The following IL17D variants were observed in gnomAD, a reference collection of about 807,000 sequenced individuals.
The protein encoded by IL17D is interleukin 17D, also known as interleukin-17D.
In IL17D, 10 loss-of-function variants were observed where a neutral mutation model predicts 5.7. The ratio of observed to expected loss-of-function variants is 1.75; its 90% confidence interval spans 1.08 to 2.97. The LOEUF is 2.97. Ranked by LOEUF, IL17D falls within the 30% of genes most tolerant of loss-of-function variation. The pLI is 0.00. For missense variants in IL17D, 354 were observed against 292.7 expected, an observed-to-expected ratio of 1.21 and a Z score of -1.53; for synonymous variants, 172 against 141.7, an observed-to-expected ratio of 1.21 and a Z score of -1.52.
rs576997375 is a variant in IL17D, at chr13:20,720,206, C to CTAT, written c.291-1428_291-1426dup. Among the ~76,000 whole-genome samples the CTAT allele has an allele frequency of 1.4e-4, 22 of 152,288 alleles. No individual in the cohort carries two copies. The East Asian group carries it at 4.1e-3, about 28-fold the overall frequency. ...CGGTGTACTCTGCTCTCCTCTGCCT[C>CTAT]TATTTGTTCTCCCTCCATGTGCCCC... On this transcript the variant is annotated intron_variant, in intron 1 of 1. Coordinates refer to ENST00000682841, the MANE Select transcript of IL17D (RefSeq NM_001385224.1).
intron 1 of IL17D, among the ~76,000 whole-genome samples, chr13:20,705,137 T>C (rs1037413028): frequency 2.0e-5 from 3 of 152,122 alleles, no homozygotes; most frequent in African/African-American, 4.8e-5. Flanking sequence ...CAGGAGGAGC[T>C]GCCCTAGGGG....
At chr13:20,711,152 T>C (rs1185730574) in intron 1 of IL17D, among the ~76,000 whole-genome samples, 1 of 152,000 alleles carries the variant, frequency 6.6e-6, no homozygotes, top group East Asian at 1.9e-4. Context: ...TAATCCCAGC[T>C]ACTCGGGAGG....
In IL17D at chr13:20,704,239, C is replaced by T. The variant is rs904990229; in HGVS notation, c.238C>T (p.Arg80Cys). The T allele has an allele frequency of 3.0e-6, 4 of 1,316,044 alleles. No homozygotes were observed. The Admixed American group carries it at 1.1e-4, about 36-fold the overall frequency. 81.5% of individuals were successfully genotyped at this position (1,316,044 alleles called of 1,614,324 possible). ...SCPAGGRPAD[R>C]RFRPPTNLRS... ...CCCGGCAGGGGGCAGGCCCGCCGAC[C>T]GCCGCTTCCGGCCGCCCACCAACCT... The change falls in exon 1 of 2, where the codon CGC becomes TGC. Residue 80 changes from arginine (R) to cysteine (C), a missense_variant. By Grantham distance (180) the Arg-to-Cys change is radical (BLOSUM62 -3). Transcript: ENST00000682841.
At position 20,704,215 on chromosome 13, in the gene IL17D, C is replaced by G; in HGVS notation, c.214C>G (p.Pro72Ala). The change falls in exon 1 of 2, where the codon CCG becomes GCG. Residue 72 changes from proline to alanine, a missense_variant. Physicochemically the swap from Pro to Ala is conservative, Grantham distance 27 (BLOSUM62 -1). Coordinates refer to ENST00000682841, the MANE Select transcript of IL17D (RefSeq NM_001385224.1). ...TGAGCAGGCGCGCAACGCGAGCTGC[C>G]CGGCAGGGGGCAGGCCCGCCGACCG... ...PREQARNASCPAGGRPADRRF... is the reference protein window; with the variant it reads ...PREQARNASCAAGGRPADRRF... 1 of 1,366,360 alleles carries G rather than the reference C, an allele frequency of 7.3e-7. No homozygotes were observed. The highest frequency in any genetic ancestry group is 9.5e-7 in the Non-Finnish European group (1 of 1,055,588). The allele number at this position is 1,366,360 out of a possible 1,614,324, so 84.6% of individuals were successfully genotyped here. A position where few individuals can be genotyped will look rare whatever the true frequency, so the allele number is the denominator to read the frequency against.
chr13:20,719,122 C>T (rs939560457), intron 1 of IL17D, among the ~76,000 whole-genome samples: 2 of 150,732 alleles, frequency 1.3e-5, no homozygotes, highest in Admixed American at 1.3e-4. Context: ...CACACCTGCC[C>T]ACACTCATCC....
At chr13:20,718,109 G>C (rs919704020) in intron 1 of IL17D, among the ~76,000 whole-genome samples, 2 of 152,012 alleles carry the variant, frequency 1.3e-5, no homozygotes, top group Non-Finnish European at 2.9e-5. Flanking sequence ...TGCCTGACCC[G>C]CCCGCCCGCC....
Position 20,704,164 on chromosome 13 carries a change from C to A in IL17D, c.163C>A (p.His55Asn). 1 of 1,372,592 alleles carries A rather than the reference C, an allele frequency of 7.3e-7. No individual in the cohort carries two copies. Among genetic ancestry groups the A allele is most frequent in the Non-Finnish European group, 9.5e-7 (1 of 1,055,382 alleles). 85.0% of individuals were successfully genotyped at this position (1,372,592 alleles called of 1,614,324 possible). ...RLAAGVLSAF[H>N]HTLQLGPREQ... ...GGCGGCCGGCGTGCTCAGTGCCTTC[C>A]ACCACACGCTGCAGCTGGGGCCGCG... Residue 55 changes from histidine to asparagine, a missense_variant, in exon 1 of 2, where the codon CAC becomes AAC. Coordinates refer to ENST00000682841, the MANE Select transcript of IL17D (RefSeq NM_001385224.1).
At chr13:20,711,145 TC>T (rs1368047360) in intron 1 of IL17D, among the ~76,000 whole-genome samples, 1 of 152,000 alleles carries the variant, frequency 6.6e-6, no homozygotes, top group Non-Finnish European at 1.5e-5. Flanking sequence ...ACACCTGTAA[TC>T]CCAGCTACTC....
At chr13:20,705,731 A>G (rs2058587121) in intron 1 of IL17D, among the ~76,000 whole-genome samples, 1 of 152,194 alleles carries the variant, frequency 6.6e-6, no homozygotes, top group Non-Finnish European at 1.5e-5. Flanking sequence ...AAGTCTTGAC[A>G]CTTGAGATGG....
Position 20,717,289 on chromosome 13 carries a change from A to G in IL17D, c.291-4347A>G, listed in dbSNP as rs41333845. 8.3e-3 allele frequency: 1,261 copies of G among 152,406 alleles called. 21 individuals are homozygous for G. The highest frequency in any genetic ancestry group is 0.048 in the East Asian group (250 of 5,190). 9.4% of individuals were successfully genotyped at this position (152,406 alleles called of 1,614,324 possible). A position where few individuals can be genotyped will look rare whatever the true frequency, so the allele number is the denominator to read the frequency against. ...CAAGCTTCTGCAGAGCAGCACGCAGAAAATGTGAAGACAAAAGAATGACTG... is the reference window on the plus strand; with the variant it reads ...CAAGCTTCTGCAGAGCAGCACGCAGGAAATGTGAAGACAAAAGAATGACTG... On this transcript the variant is annotated intron_variant, in intron 1 of 1. Transcript: ENST00000682841.
chr13:20,704,231 C>T lies in IL17D; in HGVS notation c.230C>T (p.Pro77Leu). The T allele has an allele frequency of 7.5e-7, 1 of 1,324,692 alleles. No homozygotes were observed. Among genetic ancestry groups the T allele is most frequent in the Non-Finnish European group, 9.6e-7 (1 of 1,038,140 alleles). 82.1% of individuals were successfully genotyped at this position (1,324,692 alleles called of 1,614,324 possible). A position where few individuals can be genotyped will look rare whatever the true frequency, so the allele number is the denominator to read the frequency against. The change falls in exon 1 of 2, where the codon CCC becomes CTC. Residue 77 changes from proline (P) to leucine (L), a missense_variant. Pro to Leu is a moderately conservative substitution (Grantham distance 98). Transcript: ENST00000682841. ...GCGAGCTGCCCGGCAGGGGGCAGGC[C>T]CGCCGACCGCCGCTTCCGGCCGCCC... ...RNASCPAGGR[P>L]ADRRFRPPTN...
Position 20,722,215 on chromosome 13 carries a change from C to T in IL17D, c.*261C>T, listed in dbSNP as rs575319829. ...CGGCACGGGCATCCTGTGTGCGGCC[C>T]GCATGGAGGGTTTGGAAAAGTTCAC... On this transcript the variant is annotated 3_prime_UTR_variant, in exon 2 of 2. Coordinates refer to ENST00000682841, the MANE Select transcript of IL17D (RefSeq NM_001385224.1). 3.2e-5 allele frequency: 15 copies of T among 469,740 alleles called. No homozygotes were observed. The highest frequency in any genetic ancestry group is 7.3e-5 in the East Asian group (2 of 27,544). 29.1% of individuals were successfully genotyped at this position (469,740 alleles called of 1,614,324 possible).
At chr13:20,708,846 A>AAAAAAG (rs1443222240) in intron 1 of IL17D, among the ~76,000 whole-genome samples, 8 of 148,708 alleles carry the variant, frequency 5.4e-5, no homozygotes, top group Non-Finnish European at 1.1e-4. Flanking sequence ...AAAAATACAA[A>AAAAAAG]AAAAAAAAAA....
chr13:20,714,037 G>A (rs986357772), intron 1 of IL17D: 23 of 152,240 alleles, frequency 1.5e-4, no homozygotes, highest in African/African-American at 4.3e-4. Flanking sequence ...AGCTTCCCCC[G>A]GGCGGAGAGT....
At chr13:20,702,488 AGCATGACT>A (rs2058553126), upstream of IL17D, 1 of 152,248 alleles carries the variant, frequency 6.6e-6, no homozygotes, top group South Asian at 2.1e-4. Flanking sequence ...TTATTTTCAA[AGCATGACT>A]GCTTTAAAAT....
At chr13:20,718,622 CCA>C (rs201044482) in intron 1 of IL17D, among the ~76,000 whole-genome samples, 1 of 133,868 alleles carries the variant, frequency 7.5e-6, no homozygotes, top group Non-Finnish European at 1.6e-5. Context: ...CACCTGCCCC[CCA>C]CACACAGGCC....
At chr13:20,719,481 C>G (rs1366532629) in intron 1 of IL17D, among the ~76,000 whole-genome samples, 1 of 152,208 alleles carries the variant, frequency 6.6e-6, no homozygotes, top group South Asian at 2.1e-4. Flanking sequence ...CACACCCACA[C>G]ACCTGCCATA....
upstream of IL17D, chr13:20,701,995 C>T (rs888134682): frequency 6.6e-6 from 1 of 152,158 alleles, no homozygotes; most frequent in African/African-American, 2.4e-5. Flanking sequence ...AGAACTAAGT[C>T]TGGTACCATG....
intron 1 of IL17D, 27 bp downstream of exon 1, chr13:20,704,318 G>A: frequency 1.1e-6 from 1 of 917,036 alleles, no homozygotes; most frequent in South Asian, 4.3e-5. Flanking sequence ...TCCTGGCGGG[G>A]CCCGGCAGGT....
Sources: gnomAD v4.1 joint callset for allele counts (sites outside exome capture counted in the v4.1 genomes callset) on GRCh38, gnomAD v4.1.1 for gene constraint, MANE v1.5 for transcripts, NCBI Gene and HGNC (gene_info 2026-07-23, HGNC 2026-07-21) for gene names.